The following DIP2A variants were observed in gnomAD, a reference collection of about 807,000 sequenced individuals.
DIP2A encodes DIP2 acetate--CoA ligase A.
A neutral mutation model predicts 177.4 loss-of-function variants in DIP2A; 85 were observed. The ratio of observed to expected loss-of-function variants is 0.48; its 90% confidence interval spans 0.40 to 0.57. The LOEUF is 0.57. DIP2A is among the 20% of genes least tolerant of loss of function. The probability of loss-of-function intolerance (pLI) is 0.00; values close to 1 mark genes in which losing one functional copy is unlikely to be tolerated. For missense variants in DIP2A, 1,791 were observed against 2,100.2 expected (o/e 0.85, Z 2.88); for synonymous variants, 886 against 881.8 (o/e 1.00, Z -0.08).
At chr21:46,467,686 T>C (rs2054960148) in intron 1 of DIP2A, among the ~76,000 whole-genome samples, 1 of 152,246 alleles carries the variant, frequency 6.6e-6, no homozygotes, top group Non-Finnish European at 1.5e-5. Flanking sequence ...GTTGCTTGTC[T>C]GTTGCACTAA....
chr21:46,556,851 C>G lies in DIP2A; in HGVS notation c.3499-88C>G. ...TTGGTAGTTCGGAGCTATGGTCTAG[C>G]CATGTGAACAGCGGACACTGCCATC... On this transcript the variant is annotated intron_variant, in intron 29 of 37. Coordinates refer to ENST00000417564, the MANE Select transcript of DIP2A (RefSeq NM_015151.4). This position sits in a 1 kb window ranked among gnomAD's most constrained non-coding sequence, Gnocchi z 4.5. 2 of 1,208,078 alleles carry G rather than the reference C, an allele frequency of 1.7e-6. No individual in the cohort carries two copies. Among genetic ancestry groups the G allele is most frequent in the South Asian group, 3.0e-5 (2 of 66,758 alleles). The allele number at this position is 1,208,078 out of a possible 1,614,324, so 74.8% of individuals were successfully genotyped here. A position where few individuals can be genotyped will look rare whatever the true frequency, so the allele number is the denominator to read the frequency against.
intron 36 of DIP2A, 96 bp from the exon 37 acceptor site, chr21:46,566,464 G>A: frequency 6.5e-7 from 1 of 1,542,556 alleles, no homozygotes; most frequent in Non-Finnish European, 8.8e-7. Flanking sequence ...AGACCTCCCT[G>A]TGCCTGAGAG....
intron 8 of DIP2A, among the ~76,000 whole-genome samples, chr21:46,521,951 ATT>A (rs1313415951): frequency 4.5e-3 from 1 of 222 alleles, no homozygotes; most frequent in East Asian, 0.12. Flanking sequence ...TTCCGTGCAC[ATT>A]TCACACTTGC....
In DIP2A at chr21:46,498,786, C is replaced by A. The variant is rs760691815; in HGVS notation, c.608C>A (p.Ala203Asp). The A allele has an allele frequency of 9.9e-6, 16 of 1,613,732 alleles. No homozygotes were observed. The highest frequency in any genetic ancestry group is 1.7e-6 in the Non-Finnish European group (2 of 1,179,854). Reference protein sequence around the residue: ...TAPSAAATPGAAATTALAGLE... With the variant: ...TAPSAAATPGDAATTALAGLE... ...CCCAGTGCTGCAGCCACGCCGGGGG[C>A]CGCCGCTACCACTGCACTCGCAGGC... The change falls in exon 5 of 38, where the codon GCC becomes GAC. Residue 203 changes from alanine to aspartate, a missense_variant. Transcript: ENST00000417564. This position sits in a 1 kb window ranked among gnomAD's most constrained non-coding sequence, Gnocchi z 4.3.
intron 28 of DIP2A, 77 bp downstream of exon 28, chr21:46,555,010 C>A: frequency 7.0e-7 from 1 of 1,427,556 alleles, no homozygotes; most frequent in Non-Finnish European, 9.5e-7. Context: ...TGGCTGCCGT[C>A]CAAAAACACA....
chr21:46,468,908 CT>C (rs2055104797), intron 1 of DIP2A, among the ~76,000 whole-genome samples: 1 of 152,144 alleles, frequency 6.6e-6, no homozygotes, highest in Admixed American at 6.5e-5. Context: ...TTTAAACATG[CT>C]TCATTGCCAG....
chr21:46,544,344 G>GA (rs1341157082), intron 18 of DIP2A, among the ~76,000 whole-genome samples: 1 of 152,228 alleles, frequency 6.6e-6, no homozygotes, highest in Non-Finnish European at 1.5e-5. Flanking sequence ...AGAAATTGAA[G>GA]AACGAGGCAG....
chr21:46,468,231 A>G (rs2055018477), intron 1 of DIP2A, among the ~76,000 whole-genome samples: 1 of 137,326 alleles, frequency 7.3e-6, no homozygotes. Context: ...GTGCCACTGC[A>G]CTCCAGCCTG....
intron 1 of DIP2A, among the ~76,000 whole-genome samples, chr21:46,468,099 A>G (rs2055002607): frequency 1.3e-5 from 2 of 151,768 alleles, no homozygotes; most frequent in Admixed American, 1.3e-4. Context: ...CTCCGCCTCT[A>G]CTAAATAAAA....
rs965381876 is a variant in DIP2A, at chr21:46,498,340, T to C, written c.404-242T>C. Reference sequence around the variant, plus strand: ...TTCACTGAGTGTGTCTGGTACCCTGTGGCTGAGTTCTCTCTGGGGAGCTGG... The same window carrying C: ...TTCACTGAGTGTGTCTGGTACCCTGCGGCTGAGTTCTCTCTGGGGAGCTGG... On this transcript the variant is annotated intron_variant, in intron 4 of 37. Coordinates refer to ENST00000417564, the MANE Select transcript of DIP2A (RefSeq NM_015151.4). This position sits in a 1 kb window ranked among gnomAD's most constrained non-coding sequence, Gnocchi z 4.3. Among the ~76,000 whole-genome samples, 1 of 152,204 alleles carries C rather than the reference T, an allele frequency of 6.6e-6. No individual in the cohort carries two copies. The highest frequency in any genetic ancestry group is 2.4e-5 in the African/African-American group (1 of 41,458).
intron 5 of DIP2A, among the ~76,000 whole-genome samples, 200 bp from the exon 6 acceptor site, chr21:46,504,161 A>G (rs562943975): frequency 1.3e-5 from 2 of 152,358 alleles, no homozygotes; most frequent in South Asian, 4.1e-4. Flanking sequence ...ATGCACGCAG[A>G]TGTCTGCATA....
the DIP2A span, among the ~76,000 whole-genome samples, chr21:46,583,847 A>G: frequency 1.3e-5 from 2 of 152,218 alleles, no homozygotes; most frequent in Non-Finnish European, 2.9e-5. Flanking sequence ...GAGCTGTGCT[A>G]AATAAATTTC....
intron 13 of DIP2A, among the ~76,000 whole-genome samples, chr21:46,535,502 T>G (rs946323380): frequency 7.9e-5 from 12 of 152,076 alleles, no homozygotes; most frequent in African/African-American, 2.9e-4. Context: ...GGAGGAACAC[T>G]TGAGGTCAAG....
At chr21:46,468,004 C>T (rs2054993389) in intron 1 of DIP2A, among the ~76,000 whole-genome samples, 2 of 152,064 alleles carry the variant, frequency 1.3e-5, no homozygotes, top group Non-Finnish European at 2.9e-5. Context: ...TGGCTCATGC[C>T]TGTAATCCCA....
chr21:46,500,227 C>T (rs1407413773), intron 5 of DIP2A, among the ~76,000 whole-genome samples: 3 of 152,232 alleles, frequency 2.0e-5, no homozygotes, highest in African/African-American at 7.2e-5. Flanking sequence ...GTGCCCTGCT[C>T]TGTCTCCACA....
the DIP2A span, among the ~76,000 whole-genome samples, chr21:46,577,972 C>T: frequency 2.6e-5 from 4 of 152,204 alleles, no homozygotes; most frequent in African/African-American, 9.6e-5. Flanking sequence ...CACTTTTGCA[C>T]ATTGATTTTG....
At position 46,511,439 on chromosome 21, in the gene DIP2A, G is replaced by A; in HGVS notation, c.927G>A (p.Gln309=). 6.2e-7 allele frequency: 1 copy of A among 1,611,492 alleles called. No individual in the cohort carries two copies. The highest frequency in any genetic ancestry group is 1.1e-5 in the South Asian group (1 of 90,552). The part of the protein sequence containing the change: ...LLEVQQPDPN[Q]PKPEGSETSV... ...TAGTTCAGCAACCAGATCCAAATCAGCCAAAGCCTGAGGGAAGCGAGACGA... is the reference window on the plus strand; with the variant it reads ...TAGTTCAGCAACCAGATCCAAATCAACCAAAGCCTGAGGGAAGCGAGACGA... Residue 309 remains glutamine (Q), a synonymous_variant, in exon 8 of 38, where the codon CAG becomes CAA. Transcript: ENST00000417564.
intron 35 of DIP2A, 134 bp from the exon 36 acceptor site, chr21:46,565,579 G>T: frequency 1.1e-6 from 1 of 892,222 alleles, no homozygotes. Context: ...TAAAATAAGA[G>T]ACAATGAATA....
intron 21 of DIP2A, chr21:46,547,318 A>G (rs1488171642): frequency 2.4e-6 from 2 of 824,744 alleles, no homozygotes; most frequent in Non-Finnish European, 3.2e-6. Flanking sequence ...CAGGGAGGGA[A>G]GAATTGAGTA....
Sources: gnomAD v4.1 joint callset for allele counts (sites outside exome capture counted in the v4.1 genomes callset) on GRCh38, gnomAD v4.1.1 for gene constraint, Gnocchi (gnomAD v3.1) non-coding constraint, MANE v1.5 for transcripts, NCBI Gene and HGNC (gene_info 2026-07-23, HGNC 2026-07-21) for gene names.